Variants in FGF12 observed in about 807,000 individuals in gnomAD.
FGF12 encodes the protein fibroblast growth factor 12B.
A neutral mutation model predicts 23.6 loss-of-function variants in FGF12; 14 were observed. The observed-to-expected ratio is 0.59, with a 90% CI of 0.39 to 0.93. FGF12 has a LOEUF of 0.93. FGF12 is among the 40% of genes least tolerant of loss of function. FGF12 has a pLI of 0.00. For missense variants in FGF12, 175 were observed against 217.8 expected (o/e 0.80, Z 1.24); for synonymous variants, 62 against 77.3 (o/e 0.80, Z 1.04).
At chr3:192,236,153 G>A (rs1233700349) in intron 4 of FGF12, among the ~76,000 whole-genome samples, 2 of 152,108 alleles carry the variant, frequency 1.3e-5, no homozygotes, top group African/African-American at 4.8e-5. Flanking sequence ...TAATTTCCAT[G>A]TAATTGTATG....
At chr3:192,665,413 T>C (rs1043227976) in intron 2 of FGF12, among the ~76,000 whole-genome samples, 1 of 152,160 alleles carries the variant, frequency 6.6e-6, no homozygotes, top group African/African-American at 2.4e-5. Context: ...ATATACCCCA[T>C]GGAATACTAT....
intron 2 of FGF12, among the ~76,000 whole-genome samples, chr3:192,538,518 A>G (rs1038351740): frequency 1.3e-5 from 2 of 152,208 alleles, no homozygotes; most frequent in African/African-American, 2.4e-5. Context: ...TTTTGGTACT[A>G]TAGCTCTGTA....
In FGF12 at chr3:192,443,387, G is replaced by C. The variant is rs376771862; in HGVS notation, c.14-82849C>G. On this transcript the variant is annotated intron_variant, in intron 2 of 5. Transcript: ENST00000445105. The stretch of plus-strand genomic sequence containing the variant: ...GCTCTTACATACAGATTTTAAATGT[G>C]GATAATAATATAGAAGATAGATATT... Among the ~76,000 whole-genome samples the C allele has an allele frequency of 2.0e-3, 297 of 152,024 alleles. 1 individual carries two copies. Among genetic ancestry groups the C allele is most frequent in the Middle Eastern group, 3.4e-3 (1 of 294 alleles).
chr3:192,148,977 G>A (rs1713885397), intron 5 of FGF12, among the ~76,000 whole-genome samples: 1 of 152,126 alleles, frequency 6.6e-6, no homozygotes, highest in African/African-American at 2.4e-5. Context: ...GGGTAAAATA[G>A]GGAGGTGATG....
chr3:192,251,231 T>C (rs1244576691), intron 4 of FGF12, among the ~76,000 whole-genome samples: 1 of 152,208 alleles, frequency 6.6e-6, no homozygotes, highest in Non-Finnish European at 1.5e-5. Flanking sequence ...TGCTTATCTT[T>C]TCCTAACTAA....
intron 2 of FGF12, among the ~76,000 whole-genome samples, chr3:192,666,917 TGATAGATAGATAGATAGATA>T (rs56278131): frequency 6.8e-5 from 10 of 147,520 alleles, no homozygotes; most frequent in Admixed American, 2.7e-4. Flanking sequence ...GATAGATAGA[TGATAGATAGATAGATAGATA>T]GATAGATAGA....
chr3:192,189,849 G>A (rs749636498), intron 4 of FGF12, among the ~76,000 whole-genome samples: 3 of 152,042 alleles, frequency 2.0e-5, no homozygotes, highest in Admixed American at 6.6e-5. Context: ...CTAATATACC[G>A]ACCAAAGAGG....
chr3:192,615,902 T>C (rs1714737182), intron 2 of FGF12, among the ~76,000 whole-genome samples: 1 of 151,998 alleles, frequency 6.6e-6, no homozygotes, highest in African/African-American at 2.4e-5. Flanking sequence ...ATTTCATTGA[T>C]TAAAAATGAA....
At chr3:192,168,664 C>A (rs76864438) in intron 5 of FGF12, among the ~76,000 whole-genome samples, 3,810 of 152,258 alleles carry the variant, frequency 0.025, 174 homozygotes, top group African/African-American at 0.087. Context: ...GTTTTCTATT[C>A]ATTAATTCAT....
At chr3:192,276,916 T>C (rs1713825403) in intron 4 of FGF12, among the ~76,000 whole-genome samples, 1 of 152,228 alleles carries the variant, frequency 6.6e-6, no homozygotes, top group Non-Finnish European at 1.5e-5. Context: ...TGAGTTTCCC[T>C]ACTCAGTCTA....
chr3:192,589,368 A>G (rs1713529715), intron 2 of FGF12, among the ~76,000 whole-genome samples: 1 of 151,844 alleles, frequency 6.6e-6, no homozygotes. Context: ...TTTTTAAAAA[A>G]AGAAAACAAC....
At chr3:192,375,812 A>G (rs1719464923) in intron 2 of FGF12, among the ~76,000 whole-genome samples, 1 of 152,042 alleles carries the variant, frequency 6.6e-6, no homozygotes, top group Non-Finnish European at 1.5e-5. Context: ...TAACATCAAA[A>G]AGATGCTTAC....
At chr3:192,670,804 T>C (rs1340292071) in intron 2 of FGF12, among the ~76,000 whole-genome samples, 2 of 152,164 alleles carry the variant, frequency 1.3e-5, no homozygotes, top group Non-Finnish European at 2.9e-5. Flanking sequence ...ATATACAAAG[T>C]ATAATGGGGA....
intron 2 of FGF12, among the ~76,000 whole-genome samples, chr3:192,467,114 G>C (rs1294032625): frequency 6.6e-6 from 1 of 152,136 alleles, no homozygotes; most frequent in Non-Finnish European, 1.5e-5. Flanking sequence ...GACGAATCTA[G>C]AGAGGCCCTG....
intron 2 of FGF12, among the ~76,000 whole-genome samples, chr3:192,405,955 G>A (rs114345251): frequency 0.011 from 1,744 of 152,250 alleles, 19 homozygotes; most frequent in Non-Finnish European, 0.017. Context: ...CTTGCACTGG[G>A]AATGTCTTAA....
At chr3:192,599,633 T>G (rs946642874) in intron 2 of FGF12, among the ~76,000 whole-genome samples, 2 of 152,060 alleles carry the variant, frequency 1.3e-5, no homozygotes, top group Non-Finnish European at 2.9e-5. Context: ...GAGGGAAGAT[T>G]TACTCATTTA....
chr3:192,481,378 T>G (rs1263624527), intron 2 of FGF12, among the ~76,000 whole-genome samples: 1 of 152,190 alleles, frequency 6.6e-6, no homozygotes, highest in Non-Finnish European at 1.5e-5. Flanking sequence ...CTAGTCTTTC[T>G]TTTCAGATTC....
chr3:192,294,027 C>A (rs1438861580), intron 4 of FGF12, among the ~76,000 whole-genome samples: 2 of 152,068 alleles, frequency 1.3e-5, no homozygotes, highest in African/African-American at 4.8e-5. Flanking sequence ...GGGGTGGTTT[C>A]CCCCATACTG....
intron 2 of FGF12, among the ~76,000 whole-genome samples, chr3:192,567,363 G>C (rs1342204500): frequency 6.6e-6 from 1 of 152,080 alleles, no homozygotes; most frequent in East Asian, 1.9e-4. Flanking sequence ...AAAAAAAAGG[G>C]AAAAGATAAG....
Sources: gnomAD v4.1 joint callset for allele counts (sites outside exome capture counted in the v4.1 genomes callset) on GRCh38, gnomAD v4.1.1 for gene constraint, MANE v1.5 for transcripts, NCBI Gene and HGNC (gene_info 2026-07-23, HGNC 2026-07-21) for gene names.